Variants in TRAM1 observed in about 807,000 individuals in gnomAD.
TRAM1 encodes the protein translocation associated membrane protein 1.
Under a neutral mutation model 48.7 loss-of-function variants are expected in TRAM1, and 17 were observed. That is an observed-to-expected ratio of 0.35 (90% CI 0.24 to 0.52). The LOEUF is 0.52. Ranked by LOEUF, TRAM1 falls within the 20% of genes least tolerant of loss-of-function variation. TRAM1 has a pLI of 0.94. For synonymous variants in TRAM1, 182 were observed against 154.0 expected, an observed-to-expected ratio of 1.18 and a Z score of -1.34; for missense variants, 351 against 441.5, an observed-to-expected ratio of 0.79 and a Z score of 1.84.
At chr8:70,602,746 A>G (rs1281299170) in intron 1 of TRAM1, among the ~76,000 whole-genome samples, 1 of 152,216 alleles carries the variant, frequency 6.6e-6, no homozygotes, top group Non-Finnish European at 1.5e-5. Flanking sequence ...ATTATCTACT[A>G]GCATGAGTAT....
Position 70,574,813 on chromosome 8 carries a change from C to A in TRAM1, c.*119G>T. On this transcript the variant is annotated 3_prime_UTR_variant, in exon 11 of 11. Transcript: ENST00000262213. ...CTTTAAAAAAATGCATGAAACCGTA[C>A]AATAGCAAAAATCAAAGAGCACAGA... 1 of 743,668 alleles carries A rather than the reference C, an allele frequency of 1.3e-6. No individual in the cohort carries two copies. Among genetic ancestry groups the A allele is most frequent in the South Asian group, 1.8e-5 (1 of 56,950 alleles). 46.1% of individuals were successfully genotyped at this position (743,668 alleles called of 1,614,324 possible).
chr8:70,602,526 C>T (rs539105061), intron 1 of TRAM1, among the ~76,000 whole-genome samples: 3 of 152,248 alleles, frequency 2.0e-5, no homozygotes, highest in African/African-American at 7.2e-5. Flanking sequence ...GGATGGGACA[C>T]ATAACTTCAA....
chr8:70,587,228 T>C (rs1817243247), intron 6 of TRAM1, 52 bp from the exon 7 acceptor site: 2 of 1,551,100 alleles, frequency 1.3e-6, no homozygotes, highest in Non-Finnish European at 1.8e-6. Context: ...TTCCTTTCCC[T>C]TTTTTTAAGA....
At chr8:70,598,345 G>C in intron 2 of TRAM1, 90 bp from the exon 3 acceptor site, 2 of 1,306,716 alleles carry the variant, frequency 1.5e-6, no homozygotes, top group Non-Finnish European at 1.0e-6. Flanking sequence ...AAACAAAGAA[G>C]AATAACCTAA....
At chr8:70,581,922 C>A (rs1817084304) in intron 10 of TRAM1, among the ~76,000 whole-genome samples, 2 of 152,102 alleles carry the variant, frequency 1.3e-5, no homozygotes, top group Non-Finnish European at 2.9e-5. Context: ...TCCTTAGAGA[C>A]AGAAAATAGA....
intron 1 of TRAM1, 55 bp downstream of exon 1, chr8:70,608,022 C>A (rs1202238798): frequency 1.3e-6 from 2 of 1,514,244 alleles, no homozygotes; most frequent in Admixed American, 4.3e-5. Flanking sequence ...CATCTGGAGC[C>A]CGGGCCCGGG....
At chr8:70,587,049 A>AG in intron 7 of TRAM1, 50 bp from the exon 8 acceptor site, 1 of 1,609,536 alleles carries the variant, frequency 6.2e-7, no homozygotes, top group South Asian at 1.1e-5. Flanking sequence ...CAATTAAGAC[A>AG]GGTCAGCATA....
intron 5 of TRAM1, 47 bp downstream of exon 5, chr8:70,596,216 C>G (rs766418982): frequency 1.4e-6 from 2 of 1,438,724 alleles, no homozygotes; most frequent in Non-Finnish European, 1.9e-6. Context: ...TTAATAGTGA[C>G]ATGACCATGG....
At chr8:70,599,934 G>T in intron 2 of TRAM1, 85 bp downstream of exon 2, 1 of 972,918 alleles carries the variant, frequency 1.0e-6, no homozygotes, top group Non-Finnish European at 1.7e-6. Context: ...ATTAATTAAC[G>T]CAGGACCTAG....
At chr8:70,604,502 T>C (rs564967934) in intron 1 of TRAM1, among the ~76,000 whole-genome samples, 3 of 152,222 alleles carry the variant, frequency 2.0e-5, no homozygotes, top group South Asian at 2.1e-4. Flanking sequence ...CAAGGCAACA[T>C]AGCAAGACCC....
intron 1 of TRAM1, 189 bp downstream of exon 1, chr8:70,607,888 C>T (rs1817785218): frequency 3.2e-6 from 2 of 623,684 alleles, no homozygotes; most frequent in Non-Finnish European, 2.4e-6. Flanking sequence ...ATCTCCGGGC[C>T]GGCCGCCGGG....
rs769302669 is a variant in TRAM1, at chr8:70,600,010, A to G, written c.187+9T>C. 1.2e-6 allele frequency: 2 copies of G among 1,611,914 alleles called. No individual in the cohort carries two copies. Among genetic ancestry groups the G allele is most frequent in the Non-Finnish European group, 8.5e-7 (1 of 1,178,346 alleles). On this transcript the variant is annotated intron_variant, in intron 2 of 10. Coordinates refer to ENST00000262213, the MANE Select transcript of TRAM1 (RefSeq NM_014294.6). ...TTTACGTAGAAAATTCTTAGCGTAA[A>G]TTACCTACCTGTTGCTGGGAGGGTG...
intron 6 of TRAM1, among the ~76,000 whole-genome samples, chr8:70,588,740 ACT>A (rs778669308): frequency 1.1e-4 from 16 of 152,256 alleles, no homozygotes; most frequent in Non-Finnish European, 2.4e-4. Flanking sequence ...TTTACAAAAC[ACT>A]GACAGTGATA....
chr8:70,607,861 G>T, intron 1 of TRAM1: 1 of 452,066 alleles, frequency 2.2e-6, no homozygotes, highest in Non-Finnish European at 3.6e-6. Flanking sequence ...CCGCGATGAG[G>T]CCCACCGGGA....
At chr8:70,592,912 GTTT>G (rs1167645545) in intron 6 of TRAM1, among the ~76,000 whole-genome samples, 1 of 152,042 alleles carries the variant, frequency 6.6e-6, no homozygotes, top group Non-Finnish European at 1.5e-5. Flanking sequence ...AGTCAATTTC[GTTT>G]TTGTTTTTTA....
At chr8:70,576,845 T>G (rs11989403) in intron 10 of TRAM1, among the ~76,000 whole-genome samples, 135,283 of 151,694 alleles carry the variant, frequency 0.89, 60,806 homozygotes, top group Middle Eastern at 0.96. Flanking sequence ...AGTTCTTCGG[T>G]GTTCAGGAAG....
chr8:70,578,891 T>TCC (rs1193343045), intron 10 of TRAM1, among the ~76,000 whole-genome samples: 1 of 152,222 alleles, frequency 6.6e-6, no homozygotes, highest in Non-Finnish European at 1.5e-5. Flanking sequence ...TACAATGGTC[T>TCC]CCCCTTATTT....
intron 2 of TRAM1, among the ~76,000 whole-genome samples, chr8:70,599,557 A>G (rs1055324854): frequency 1.3e-5 from 2 of 152,238 alleles, no homozygotes; most frequent in African/African-American, 4.8e-5. Context: ...CATTTTCTGG[A>G]ATCAAAATAA....
intron 5 of TRAM1, among the ~76,000 whole-genome samples, chr8:70,595,045 T>TC (rs1218173720): frequency 6.6e-6 from 1 of 151,416 alleles, no homozygotes; most frequent in Middle Eastern, 3.2e-3. Context: ...TCTGTTTTTT[T>TC]TTTTTTTCTT....
Sources: allele counts gnomAD v4.1 joint callset (sites outside exome capture counted in the v4.1 genomes callset), GRCh38; gene constraint gnomAD v4.1.1; transcripts MANE v1.5; gene names NCBI Gene and HGNC (gene_info 2026-07-23, HGNC 2026-07-21).